Variants in XYLB observed in about 807,000 individuals in gnomAD.
The protein encoded by XYLB is xylulokinase.
XYLB carries 62 observed loss-of-function variants against 78.7 expected under a neutral mutation model. The ratio of observed to expected loss-of-function variants is 0.79; its 90% CI spans 0.64 to 0.97. The LOEUF (loss-of-function observed/expected upper bound fraction) is 0.97. Among genes scored for constraint, XYLB ranks in the 50% least tolerant of loss-of-function variants. The pLI, the probability that XYLB is intolerant of heterozygous loss-of-function variation, is 0.00. For synonymous variants in XYLB, 245 were observed against 247.4 expected (o/e 0.99, Z 0.09); for missense variants, 687 against 676.8 (o/e 1.02, Z -0.17).
intron 15 of XYLB, among the ~76,000 whole-genome samples, chr3:38,389,764 TTC>T (rs1201445171): frequency 6.6e-6 from 1 of 152,144 alleles, no homozygotes; most frequent in African/African-American, 2.4e-5. Context: ...ACAGAGCTCT[TTC>T]TCTGTTTTCC....
chr3:38,392,121 AC>A (rs1012376604), intron 15 of XYLB, among the ~76,000 whole-genome samples: 1 of 151,922 alleles, frequency 6.6e-6, no homozygotes, highest in Non-Finnish European at 1.5e-5. Context: ...GGGTCTTGAG[AC>A]CCCTGCTGTC....
chr3:38,364,199 C>T (rs188661395), intron 4 of XYLB, among the ~76,000 whole-genome samples: 3 of 152,154 alleles, frequency 2.0e-5, no homozygotes, highest in Admixed American at 1.3e-4. Context: ...CAGGGCACAA[C>T]TCAAGTGTCA....
At chr3:38,406,449 A>G (rs560931994) in intron 18 of XYLB, among the ~76,000 whole-genome samples, 2,084 of 152,352 alleles carry the variant, frequency 0.014, 13 homozygotes, top group Middle Eastern at 0.024. Context: ...AACAGAGCAG[A>G]AAAACTGGAA....
At chr3:38,358,168 C>G (rs1705764608) in intron 2 of XYLB, among the ~76,000 whole-genome samples, 1 of 87,572 alleles carries the variant, frequency 1.1e-5, no homozygotes, top group African/African-American at 3.8e-5. Context: ...TTCAGGTGCT[C>G]TAGAACAATT....
the XYLB span, among the ~76,000 whole-genome samples, chr3:38,448,459 A>C: frequency 6.6e-6 from 1 of 152,230 alleles, no homozygotes; most frequent in Non-Finnish European, 1.5e-5. Context: ...ATACCTGTAA[A>C]AATCAAATTA....
At position 38,358,309 on chromosome 3, in the gene XYLB, T is replaced by TTGTGTG. The variant is rs780269094; in HGVS notation, c.141-1986_141-1981dup. Among the ~76,000 whole-genome samples, 540 of 54,922 alleles carry TTGTGTG rather than the reference T, an allele frequency of 9.8e-3. 17 individuals carry two copies. The highest frequency in any genetic ancestry group is 0.019 in the African/African-American group (277 of 14,268). The allele number at this position is 54,922 out of a possible 152,430, so 36.0% of individuals were successfully genotyped here. ...CTTAGCTGGAAATGCCAGTTTTGTTTTGTGTGTGTGTGTGTGTGTGTGTGT... is the reference window on the plus strand; with the variant it reads ...CTTAGCTGGAAATGCCAGTTTTGTTTTGTGTGTGTGTGTGTGTGTGTGTGTGTGTGT... On this transcript the variant is annotated intron_variant, in intron 2 of 18. Transcript: ENST00000207870.
Position 38,362,737 on chromosome 3 carries a change from T to C in XYLB, c.211-200T>C, listed in dbSNP as rs185435395. Among the ~76,000 whole-genome samples the C allele has an allele frequency of 3.3e-5, 5 of 152,372 alleles. No individual in the cohort carries two copies. The East Asian group carries it at 9.6e-4, about 29-fold the overall frequency. On this transcript the variant is annotated intron_variant, in intron 3 of 18. Coordinates refer to ENST00000207870, the MANE Select transcript of XYLB (RefSeq NM_005108.4). ...CCATTTATTTAAAATATTTTTAGCATAGTTGACCTTTTTATTTGATTGATG... is the reference window on the plus strand; with the variant it reads ...CCATTTATTTAAAATATTTTTAGCACAGTTGACCTTTTTATTTGATTGATG...
At chr3:38,440,794 C>G in the XYLB span, among the ~76,000 whole-genome samples, 1 of 151,920 alleles carries the variant, frequency 6.6e-6, no homozygotes, top group African/African-American at 2.4e-5. Context: ...TTTTTCTTTA[C>G]TACTTCTATC....
intron 8 of XYLB, 59 bp from the exon 9 acceptor site, chr3:38,369,997 C>T: frequency 6.9e-7 from 1 of 1,440,994 alleles, no homozygotes; most frequent in Non-Finnish European, 9.8e-7. Flanking sequence ...CAGATTTGTG[C>T]ATTTTCACAA....
chr3:38,365,073 TAAG>T, intron 4 of XYLB, 123 bp from the exon 5 acceptor site: 1 of 772,490 alleles, frequency 1.3e-6, no homozygotes, highest in South Asian at 1.7e-5. Context: ...GCTCTGTGAC[TAAG>T]AAGTGGCAGG....
At chr3:38,408,574 TC>T (rs1708432994) in intron 18 of XYLB, among the ~76,000 whole-genome samples, 1 of 151,352 alleles carries the variant, frequency 6.6e-6, no homozygotes, top group African/African-American at 2.4e-5. Flanking sequence ...AAAAAACCCT[TC>T]AAAAAATTAA....
At chr3:38,374,216 C>A (rs1038229228) in intron 10 of XYLB, among the ~76,000 whole-genome samples, 1 of 152,048 alleles carries the variant, frequency 6.6e-6, no homozygotes, top group African/African-American at 2.4e-5. Flanking sequence ...ATGTTTGGAC[C>A]CCTTCAGGGA....
intron 3 of XYLB, 92 bp from the exon 4 acceptor site, chr3:38,362,845 G>A (rs1706046831): frequency 9.1e-7 from 1 of 1,101,434 alleles, no homozygotes; most frequent in Non-Finnish European, 1.2e-6. Context: ...GTACTCTGCT[G>A]TAATGGCAGG....
the XYLB span, among the ~76,000 whole-genome samples, chr3:38,431,859 C>T: frequency 6.6e-6 from 1 of 152,258 alleles, no homozygotes; most frequent in South Asian, 2.1e-4. Context: ...TGAGAACTCA[C>T]TATCATTAGA....
At position 38,414,294 on chromosome 3, in the gene XYLB, T is replaced by C. The variant is rs1708715522; in HGVS notation, c.*1281T>C. 1 of 152,184 alleles carries C rather than the reference T, an allele frequency of 6.6e-6. No individual in the cohort carries two copies. The highest frequency in any genetic ancestry group is 1.5e-5 in the Non-Finnish European group (1 of 68,040). 9.4% of individuals were successfully genotyped at this position (152,184 alleles called of 1,614,324 possible). A position where few individuals can be genotyped will look rare whatever the true frequency, so the allele number is the denominator to read the frequency against. On this transcript the variant is annotated 3_prime_UTR_variant, in exon 19 of 19. Coordinates refer to ENST00000207870, the MANE Select transcript of XYLB (RefSeq NM_005108.4). ...CCAAAGGCATCACTTCTGATGGAGATGAAGCCATCTTGAAAGTGAGTGGTG... is the reference window on the plus strand; with the variant it reads ...CCAAAGGCATCACTTCTGATGGAGACGAAGCCATCTTGAAAGTGAGTGGTG...
the XYLB span, among the ~76,000 whole-genome samples, chr3:38,443,465 A>G: frequency 6.6e-6 from 1 of 152,158 alleles, no homozygotes; most frequent in Non-Finnish European, 1.5e-5. Context: ...CCACACTGAT[A>G]ACAAGCCCTA....
At chr3:38,399,963 C>T (rs970392349) in intron 17 of XYLB, among the ~76,000 whole-genome samples, 1 of 152,202 alleles carries the variant, frequency 6.6e-6, no homozygotes, top group Non-Finnish European at 1.5e-5. Context: ...GTCCACCCCA[C>T]CACCATTCCA....
Position 38,413,840 on chromosome 3 carries a change from T to A in XYLB, c.*827T>A, listed in dbSNP as rs1458369137. The A allele has an allele frequency of 6.6e-6, 1 of 152,224 alleles. No homozygotes were observed. The highest frequency in any genetic ancestry group is 1.5e-5 in the Non-Finnish European group (1 of 68,050). The allele number at this position is 152,224 out of a possible 1,614,324, so 9.4% of individuals were successfully genotyped here. On this transcript the variant is annotated 3_prime_UTR_variant, in exon 19 of 19. Transcript: ENST00000207870. ...TTTTTCTCCCTCATTCCCTCTCTCT[T>A]CTTGCAGTCCACTTGCTGAAGAAGT... is the stretch of plus-strand genomic sequence containing the variant.
In XYLB at chr3:38,420,563, T is replaced by G. The variant is rs145890406; in HGVS notation, c.*506T>G. On this transcript the variant is annotated 3_prime_UTR_variant, in exon 18 of 18. Coordinates refer to the XYLB transcript ENST00000650590. ...TATGGTTTTGGTATTATGTGTTCCT[T>G]AAATATTTGATTGAATTCACCAGTG... 7.0e-3 allele frequency among the ~76,000 whole-genome samples: 1,059 copies of G among 152,350 alleles called. 8 individuals carry two copies. The highest frequency in any genetic ancestry group is 0.025 in the African/African-American group (1,019 of 41,578).
Sources: gnomAD v4.1 joint callset for allele counts (sites outside exome capture counted in the v4.1 genomes callset) on GRCh38, gnomAD v4.1.1 for gene constraint, MANE v1.5 for transcripts, NCBI Gene and HGNC (gene_info 2026-07-23, HGNC 2026-07-21) for gene names.